Variants in FHIP1A observed in about 807,000 individuals in gnomAD.
The protein encoded by FHIP1A is FHF complex subunit HOOK interacting protein 1A.
Under a neutral mutation model 88.6 loss-of-function variants are expected in FHIP1A, and 61 were observed. That is an observed-to-expected ratio of 0.69 (90% confidence interval 0.56 to 0.85). The LOEUF (loss-of-function observed/expected upper bound fraction) is 0.85. Among genes scored for constraint, FHIP1A ranks in the 40% least tolerant of loss-of-function variants. The pLI is 0.00. For synonymous variants in FHIP1A, 478 were observed against 496.0 expected, an observed-to-expected ratio of 0.96 and a Z score of 0.48; for missense variants, 1,154 against 1,273.5, an observed-to-expected ratio of 0.91 and a Z score of 1.43.
In FHIP1A at chr4:151,670,007, A is replaced by C. The variant is rs1439730255; in HGVS notation, c.*7253A>C. ...CTTCTGGAGCAGTGTTCACAACGGG[A>C]ATGTTTTTACTGTCCTTGGTAGGCT... On this transcript the variant is annotated 3_prime_UTR_variant, in exon 14 of 14. Transcript: ENST00000435205. 1 of 152,126 alleles carries C rather than the reference A, an allele frequency of 6.6e-6. No individual in the cohort carries two copies. Among genetic ancestry groups the C allele is most frequent in the Non-Finnish European group, 1.5e-5 (1 of 68,020 alleles). 9.4% of individuals were successfully genotyped at this position (152,126 alleles called of 1,614,324 possible).
Position 151,476,799 on chromosome 4 carries a change from C to T in FHIP1A, c.-247-5725C>T, listed in dbSNP as rs543394561. On this transcript the variant is annotated intron_variant, in intron 2 of 13. Coordinates refer to ENST00000435205, the MANE Select transcript of FHIP1A (RefSeq NM_001109977.3). ...AGAATATGATAATCTATAAATGTGC[C>T]TGGATACCCAAGTAATGTGTCAGCA... 9.1e-4 allele frequency among the ~76,000 whole-genome samples: 138 copies of T among 152,194 alleles called. No homozygotes were observed. In the Middle Eastern group the frequency reaches 0.01, roughly 11 times the overall value.
intron 3 of FHIP1A, among the ~76,000 whole-genome samples, chr4:151,509,791 G>T (rs948420612): frequency 6.8e-6 from 1 of 146,710 alleles, no homozygotes; most frequent in East Asian, 2.0e-4. Flanking sequence ...GTGTGTGTAG[G>T]TATATATACA....
At chr4:151,566,463 T>C (rs1450118604) in intron 4 of FHIP1A, 99 bp downstream of exon 4, 1 of 674,774 alleles carries the variant, frequency 1.5e-6, no homozygotes, top group African/African-American at 1.9e-5. Context: ...GGTAACTAGA[T>C]TGCTAGAAAC....
intron 3 of FHIP1A, among the ~76,000 whole-genome samples, chr4:151,513,456 T>C (rs1731110868): frequency 6.6e-6 from 1 of 152,200 alleles, no homozygotes; most frequent in Admixed American, 6.5e-5. Context: ...ATAACTATAT[T>C]AACTTTAAAT....
In FHIP1A at chr4:151,581,150, G is replaced by A. The variant is rs138651175; in HGVS notation, c.732+3074G>A. The stretch of plus-strand genomic sequence containing the variant: ...TGGGATTACAGGCATGAGCCACTGC[G>A]CCCGTCCAGAGTTTACATAAAATTT... On this transcript the variant is annotated intron_variant, in intron 5 of 13. Transcript: ENST00000435205. Among the ~76,000 whole-genome samples, 253 of 152,282 alleles carry A rather than the reference G, an allele frequency of 1.7e-3. 1 individual carries two copies. The highest frequency in any genetic ancestry group is 6.0e-3 in the African/African-American group (249 of 41,572).
chr4:151,519,416 A>G (rs1391799431), intron 3 of FHIP1A, among the ~76,000 whole-genome samples: 2 of 152,078 alleles, frequency 1.3e-5, no homozygotes, highest in East Asian at 1.9e-4. Flanking sequence ...GTGTTTTAGT[A>G]GCTTTTTTTT....
intron 3 of FHIP1A, among the ~76,000 whole-genome samples, chr4:151,485,282 G>GTTTTTTTTTTTTTTTTTT (rs74327398): frequency 9.3e-5 from 11 of 118,740 alleles, no homozygotes; most frequent in Non-Finnish European, 1.5e-4. Context: ...ATCTTTTCCA[G>GTTTTTTTTTTTTTTTTTT]TTTTTTTTTT....
intron 3 of FHIP1A, among the ~76,000 whole-genome samples, chr4:151,517,482 A>G (rs932694465): frequency 6.6e-6 from 1 of 152,252 alleles, no homozygotes; most frequent in Non-Finnish European, 1.5e-5. Flanking sequence ...AAAAATATAT[A>G]TTCATTAAAT....
chr4:151,543,802 A>C (rs1414743262), intron 3 of FHIP1A, among the ~76,000 whole-genome samples: 1 of 151,866 alleles, frequency 6.6e-6, no homozygotes, highest in Non-Finnish European at 1.5e-5. Context: ...GTTTCCTTCT[A>C]ATTTTTTATA....
At chr4:151,552,682 G>T (rs900454635) in intron 3 of FHIP1A, among the ~76,000 whole-genome samples, 2 of 152,026 alleles carry the variant, frequency 1.3e-5, no homozygotes, top group African/African-American at 4.8e-5. Context: ...TTGTCGGGTG[G>T]GAGGATGGGG....
In FHIP1A at chr4:151,446,160, T is replaced by C. The variant is rs1336129975; in HGVS notation, c.-355-8541T>C. 2.6e-5 allele frequency among the ~76,000 whole-genome samples: 4 copies of C among 152,168 alleles called. No homozygotes were observed. The East Asian group carries it at 7.8e-4, about 29-fold the overall frequency. On this transcript the variant is annotated intron_variant, in intron 1 of 13. Coordinates refer to ENST00000435205, the MANE Select transcript of FHIP1A (RefSeq NM_001109977.3). ...GTGGCTCCCCATCTTGGACAACACA[T>C]GGTATGATCAGACTTCTTAAATCTT...
chr4:151,558,697 T>G (rs1733053797), intron 3 of FHIP1A, among the ~76,000 whole-genome samples: 1 of 152,178 alleles, frequency 6.6e-6, no homozygotes, highest in Non-Finnish European at 1.5e-5. Context: ...TCGTTGTTCC[T>G]TAAAAAGAGG....
intron 2 of FHIP1A, among the ~76,000 whole-genome samples, chr4:151,471,299 T>TTA (rs1554080076): frequency 1.4e-5 from 2 of 140,868 alleles, no homozygotes; most frequent in Non-Finnish European, 1.6e-5. Flanking sequence ...TTTTTTTTTT[T>TTA]AAACTTTAGC....
chr4:151,541,709 AGG>A (rs1732297625), intron 3 of FHIP1A, among the ~76,000 whole-genome samples: 1 of 152,188 alleles, frequency 6.6e-6, no homozygotes, highest in South Asian at 2.1e-4. Flanking sequence ...CTTTAAAACA[AGG>A]GGTAAATCAG....
intron 1 of FHIP1A, among the ~76,000 whole-genome samples, chr4:151,438,886 C>T (rs1386251723): frequency 6.6e-6 from 1 of 152,098 alleles, no homozygotes; most frequent in Admixed American, 6.6e-5. Context: ...TCAAGTGATA[C>T]TCCCACCTCA....
At chr4:151,456,987 C>T (rs1728989360) in intron 2 of FHIP1A, among the ~76,000 whole-genome samples, 1 of 151,756 alleles carries the variant, frequency 6.6e-6, no homozygotes, top group Non-Finnish European at 1.5e-5. Flanking sequence ...AAGCTAATGA[C>T]ATTATTTTAA....
intron 2 of FHIP1A, among the ~76,000 whole-genome samples, chr4:151,476,861 G>A (rs1729726822): frequency 7.0e-6 from 1 of 143,382 alleles, no homozygotes; most frequent in South Asian, 2.3e-4. Context: ...TAACCAGTTA[G>A]AAGATATATT....
At chr4:151,657,794 A>T (rs988237599) in intron 13 of FHIP1A, among the ~76,000 whole-genome samples, 1 of 152,220 alleles carries the variant, frequency 6.6e-6, no homozygotes, top group African/African-American at 2.4e-5. Flanking sequence ...GCAGAAATGA[A>T]ACTCAGGGCA....
intron 7 of FHIP1A, among the ~76,000 whole-genome samples, chr4:151,616,530 G>A (rs1369780020): frequency 7.3e-6 from 1 of 137,308 alleles, no homozygotes; most frequent in African/African-American, 2.8e-5. Context: ...CTCACTGCAA[G>A]CTCCGCCTCC....
Sources: allele counts gnomAD v4.1 joint callset (sites outside exome capture counted in the v4.1 genomes callset), GRCh38; gene constraint gnomAD v4.1.1; transcripts MANE v1.5; gene names NCBI Gene and HGNC (gene_info 2026-07-23, HGNC 2026-07-21).